OLAH: variants seen among roughly 807,000 people sequenced by gnomAD.
The protein encoded by OLAH is S-acyl fatty acid synthase thioesterase, medium chain.
A neutral mutation model predicts 27.8 loss-of-function variants in OLAH; 33 were observed. That is an observed-to-expected ratio of 1.19 (90% CI 0.90 to 1.59). The LOEUF (loss-of-function observed/expected upper bound fraction) is 1.59. OLAH is among the 40% of genes most tolerant of loss of function. The pLI is 0.00. For synonymous variants in OLAH, 120 were observed against 102.9 expected (o/e 1.17, Z -1.01); for missense variants, 359 against 310.8 (o/e 1.16, Z -1.17).
At chr10:15,052,278 G>T (rs908296480) in intron 3 of OLAH, among the ~76,000 whole-genome samples, 3 of 152,048 alleles carry the variant, frequency 2.0e-5, no homozygotes, top group African/African-American at 7.2e-5. Context: ...GTGAGACTCT[G>T]CCTAAAAAAA....
intron 3 of OLAH, among the ~76,000 whole-genome samples, chr10:15,050,008 A>G (rs969994028): frequency 6.6e-6 from 1 of 152,218 alleles, no homozygotes; most frequent in African/African-American, 2.4e-5. Flanking sequence ...TGTCTTTGGT[A>G]TAATTATTGA....
chr10:15,058,614 A>G (rs1844292416), intron 3 of OLAH, among the ~76,000 whole-genome samples: 1 of 152,112 alleles, frequency 6.6e-6, no homozygotes, highest in Admixed American at 6.5e-5. Flanking sequence ...AGAACTTCTG[A>G]GTTTGTGGGG....
At chr10:15,067,350 C>T (rs965170374) in intron 6 of OLAH, among the ~76,000 whole-genome samples, 3 of 151,414 alleles carry the variant, frequency 2.0e-5, no homozygotes, top group Non-Finnish European at 2.9e-5. Flanking sequence ...GTTTCTTTAA[C>T]GGTCTGTGTC....
intron 2 of OLAH, 22 bp downstream of exon 2, chr10:15,047,342 C>G: frequency 6.2e-7 from 1 of 1,612,102 alleles, no homozygotes. Flanking sequence ...CTTGTGCCAC[C>G]AGGCTCTTCC....
intron 4 of OLAH, among the ~76,000 whole-genome samples, chr10:15,062,826 C>T (rs938945291): frequency 4.0e-5 from 6 of 151,566 alleles, no homozygotes; most frequent in African/African-American, 1.2e-4. Flanking sequence ...GCAACCTACA[C>T]CTCATGGGTT....
At chr10:15,035,428 C>CA (rs1234054441) in intron 1 of OLAH, among the ~76,000 whole-genome samples, 8 of 152,086 alleles carry the variant, frequency 5.3e-5, no homozygotes, top group African/African-American at 1.9e-4. Context: ...GAAGCCTTGA[C>CA]TCATGGGGGA....
At chr10:15,049,860 T>C in intron 3 of OLAH, 95 bp downstream of exon 3, 4 of 1,181,246 alleles carry the variant, frequency 3.4e-6, no homozygotes, top group Non-Finnish European at 4.8e-6. Context: ...TCCTTCCTGG[T>C]AGGTAATTGA....
intron 1 of OLAH, chr10:15,038,482 T>A (rs1443872004): frequency 6.6e-6 from 1 of 152,122 alleles, no homozygotes; most frequent in Non-Finnish European, 1.5e-5. Context: ...AGAAACCCAG[T>A]GAGAGGTGGT....
intron 4 of OLAH, among the ~76,000 whole-genome samples, chr10:15,063,023 G>A (rs1370739504): frequency 6.6e-6 from 1 of 152,192 alleles, no homozygotes; most frequent in African/African-American, 2.4e-5. Flanking sequence ...ACAGGTGTGA[G>A]CTGTGGCACC....
rs763221508 is a variant in OLAH, at chr10:15,061,480, G to GT, written c.164-233dup. The stretch of plus-strand genomic sequence containing the variant: ...CATCAATGGAATTTTCAGTTCCTTT[G>GT]TTTTTTTTTTTCTTTTTCTTCTAGG... On this transcript the variant is annotated intron_variant, in intron 3 of 7. Transcript: ENST00000378228. Among the ~76,000 whole-genome samples the GT allele has an allele frequency of 8.8e-3, 1,267 of 143,676 alleles. 13 individuals carry two copies. The highest frequency in any genetic ancestry group is 0.062 in the East Asian group (305 of 4,904). The allele number at this position is 143,676 out of a possible 152,430, so 94.3% of individuals were successfully genotyped here. A position where few individuals can be genotyped will look rare whatever the true frequency, so the allele number is the denominator to read the frequency against.
At chr10:15,070,561 C>T (rs575753042) in intron 6 of OLAH, among the ~76,000 whole-genome samples, 113 of 151,416 alleles carry the variant, frequency 7.5e-4, no homozygotes, top group South Asian at 7.3e-3. Flanking sequence ...CTTGGCTCAC[C>T]GCAACCTCTG....
At chr10:15,045,158 C>G (rs938388189) in intron 1 of OLAH, among the ~76,000 whole-genome samples, 20 of 152,162 alleles carry the variant, frequency 1.3e-4, no homozygotes, top group African/African-American at 4.8e-4. Flanking sequence ...ACATTTTACT[C>G]AACTTGGAAA....
intron 7 of OLAH, among the ~76,000 whole-genome samples, chr10:15,072,744 G>A (rs550751574): frequency 7.2e-5 from 11 of 151,838 alleles, no homozygotes; most frequent in Non-Finnish European, 1.5e-4. Flanking sequence ...TCTCGAGGCC[G>A]TCATCTTCCT....
chr10:15,065,019 A>C (rs1246786368), intron 5 of OLAH, among the ~76,000 whole-genome samples: 1 of 152,318 alleles, frequency 6.6e-6, no homozygotes, highest in East Asian at 1.9e-4. Context: ...CTTGCTGTTG[A>C]AAAGTCCCTT....
chr10:15,071,558 G>A, intron 6 of OLAH: 1 of 985,454 alleles, frequency 1.0e-6, no homozygotes, highest in Non-Finnish European at 1.2e-6. Context: ...GTGCCCCAGT[G>A]CCATCCTGCT....
intron 3 of OLAH, among the ~76,000 whole-genome samples, chr10:15,051,081 T>TTA (rs1348475498): frequency 1.4e-4 from 12 of 88,268 alleles, no homozygotes; most frequent in Middle Eastern, 0.013. Context: ...TATTATTATT[T>TTA]TTTTTTTTTT....
intron 5 of OLAH, among the ~76,000 whole-genome samples, chr10:15,064,894 T>C (rs1844437806): frequency 6.6e-6 from 1 of 152,152 alleles, no homozygotes; most frequent in Admixed American, 6.5e-5. Flanking sequence ...TGACCTCAGG[T>C]GATCCACCCA....
chr10:15,042,435 G>T (rs933342834), upstream of OLAH, among the ~76,000 whole-genome samples: 3 of 152,170 alleles, frequency 2.0e-5, no homozygotes, highest in African/African-American at 7.2e-5. Context: ...TTATAGGTGT[G>T]AGCCAGCGTG....
At position 15,046,813 on chromosome 10, in the gene OLAH, C is replaced by T. The variant is rs1310044300; in HGVS notation, c.-163-313C>T. 3.9e-5 allele frequency among the ~76,000 whole-genome samples: 6 copies of T among 152,166 alleles called. No individual in the cohort carries two copies. The South Asian group carries it at 1.2e-3, about 32-fold the overall frequency. ...CTCTGTTGCCAAAACAAACATCCCT[C>T]ACCCTTACCCTAATTTTCTAGTATG... On this transcript the variant is annotated intron_variant, in intron 1 of 7. Transcript: ENST00000378228.
Sources: gnomAD v4.1 joint callset for allele counts (sites outside exome capture counted in the v4.1 genomes callset) on GRCh38, gnomAD v4.1.1 for gene constraint, MANE v1.5 for transcripts, NCBI Gene and HGNC (gene_info 2026-07-23, HGNC 2026-07-21) for gene names.